SND1: variants seen among roughly 807,000 people sequenced by gnomAD.
SND1 encodes the protein staphylococcal nuclease domain-containing protein 1.
SND1 carries 38 observed loss-of-function variants against 121.7 expected under a neutral mutation model. That is an observed-to-expected ratio of 0.31 (90% CI 0.24 to 0.41). The LOEUF is 0.41. Ranked by LOEUF, SND1 falls within the 10% of genes least tolerant of loss-of-function variation. The probability of loss-of-function intolerance (pLI) is 1.00; values close to 1 mark genes in which losing one functional copy is unlikely to be tolerated. For missense variants in SND1, 868 were observed against 1,184.6 expected (o/e 0.73, Z 3.92); for synonymous variants, 401 against 447.4 (o/e 0.90, Z 1.31).
Position 127,721,362 on chromosome 7 carries a change from A to G in SND1, c.1114A>G (p.Ser372Gly). 1 of 1,613,264 alleles carries G rather than the reference A, an allele frequency of 6.2e-7. No homozygotes were observed. The highest frequency in any genetic ancestry group is 8.5e-7 in the Non-Finnish European group (1 of 1,179,764). The change falls in exon 10 of 24, where the codon AGC becomes GGC. Residue 372 changes from serine to glycine, a missense_variant. By Grantham distance (56) the Ser-to-Gly change is moderately conservative. This residue lies in a region of SND1 where 743 missense variants were observed against 1,071.3 expected (regional missense o/e 0.69). Transcript: ENST00000354725. Reference protein sequence around the residue: ...SGDYKTIHLSSIRPPRLEGEN... With the variant: ...SGDYKTIHLSGIRPPRLEGEN... ...CGATTACAAGACGATTCACCTGTCC[A>G]GCATCCGACCACCGAGGCTGGAGGG...
intron 15 of SND1, among the ~76,000 whole-genome samples, chr7:127,950,173 C>T (rs1337673410): frequency 1.3e-5 from 2 of 152,180 alleles, no homozygotes; most frequent in African/African-American, 4.8e-5. Flanking sequence ...CAGTGATTTG[C>T]AGACCCCTCT....
intron 17 of SND1, among the ~76,000 whole-genome samples, chr7:128,076,128 G>A (rs1053449088): frequency 6.6e-6 from 1 of 152,168 alleles, no homozygotes; most frequent in African/African-American, 2.4e-5. Flanking sequence ...TCAGAGCTGG[G>A]CGATCCTCTA....
chr7:127,739,603 G>T (rs1260559200), intron 10 of SND1, among the ~76,000 whole-genome samples: 3 of 152,184 alleles, frequency 2.0e-5, no homozygotes, highest in Non-Finnish European at 2.9e-5. Flanking sequence ...ATGCCCACCA[G>T]GGGAGAGTGT....
chr7:128,078,066 A>G (rs533974986), intron 17 of SND1, among the ~76,000 whole-genome samples: 1 of 152,214 alleles, frequency 6.6e-6, no homozygotes. Context: ...TGGGTCTGGC[A>G]GGTGTCTTGC....
intron 16 of SND1, among the ~76,000 whole-genome samples, chr7:128,021,115 G>T (rs1033105308): frequency 6.6e-6 from 1 of 152,140 alleles, no homozygotes; most frequent in African/African-American, 2.4e-5. Context: ...TGAATTGGAA[G>T]AATATGCAGT....
intron 10 of SND1, among the ~76,000 whole-genome samples, chr7:127,790,675 T>C (rs1335274126): frequency 6.6e-6 from 1 of 152,222 alleles, no homozygotes; most frequent in Non-Finnish European, 1.5e-5. Context: ...TAATTTCAGG[T>C]AGCTTGTAAT....
chr7:127,810,850 T>C (rs1798324068), intron 11 of SND1, among the ~76,000 whole-genome samples: 1 of 152,234 alleles, frequency 6.6e-6, no homozygotes, highest in Non-Finnish European at 1.5e-5. Context: ...TTTCTATAGC[T>C]CTTGTCCCTT....
rs973969279 is a variant in SND1, at chr7:127,755,874, A to C, written c.1152+34474A>C. 2.6e-5 allele frequency among the ~76,000 whole-genome samples: 4 copies of C among 152,376 alleles called. No homozygotes were observed. In the East Asian group the frequency reaches 5.8e-4, roughly 22 times the overall value. ...GCTAATGGGATTGCAGTGCTATATG[A>C]ATGTAGGAGTATTATACGCAAATAC... On this transcript the variant is annotated intron_variant, in intron 10 of 23. Transcript: ENST00000354725.
At chr7:127,779,455 A>C (rs567550016) in intron 10 of SND1, among the ~76,000 whole-genome samples, 1 of 152,158 alleles carries the variant, frequency 6.6e-6, no homozygotes, top group South Asian at 2.1e-4. Flanking sequence ...CTTATTCTCA[A>C]CTTTTAAAAA....
At chr7:127,740,844 G>C (rs1279872716) in intron 10 of SND1, among the ~76,000 whole-genome samples, 1 of 152,184 alleles carries the variant, frequency 6.6e-6, no homozygotes, top group African/African-American at 2.4e-5. Context: ...TCTTAAGCTT[G>C]AAAGTGATGA....
At chr7:127,743,457 C>A (rs988980918) in intron 10 of SND1, among the ~76,000 whole-genome samples, 3 of 152,198 alleles carry the variant, frequency 2.0e-5, no homozygotes, top group Admixed American at 2.0e-4. Context: ...GATGCTTTTA[C>A]TTTCTAGCAA....
chr7:128,072,653 C>A (rs1793431952), intron 16 of SND1, among the ~76,000 whole-genome samples: 1 of 152,074 alleles, frequency 6.6e-6, no homozygotes. Context: ...CAGGTCTTGT[C>A]CACCCCTACC....
At chr7:127,950,767 CA>C (rs1416252724) in intron 15 of SND1, among the ~76,000 whole-genome samples, 3 of 152,140 alleles carry the variant, frequency 2.0e-5, no homozygotes, top group African/African-American at 7.2e-5. Flanking sequence ...GATTAAATCT[CA>C]GATGTATATA....
chr7:127,784,573 T>C (rs1405747311), intron 10 of SND1, among the ~76,000 whole-genome samples: 1 of 152,228 alleles, frequency 6.6e-6, no homozygotes, highest in African/African-American at 2.4e-5. Flanking sequence ...TCCTTCAACC[T>C]GGAGTAATTT....
At chr7:128,007,074 G>A (rs541064705) in intron 16 of SND1, among the ~76,000 whole-genome samples, 34 of 152,180 alleles carry the variant, frequency 2.2e-4, no homozygotes, top group Non-Finnish European at 4.4e-4. Context: ...TGCAGTATGC[G>A]GATGCCAGGC....
chr7:127,880,879 G>T (rs1192920341), intron 12 of SND1, among the ~76,000 whole-genome samples: 2 of 152,200 alleles, frequency 1.3e-5, no homozygotes, highest in African/African-American at 4.8e-5. Context: ...CTCCCACAGC[G>T]CAGGGAGGGA....
At chr7:127,693,148 A>C (rs1471534866) in intron 2 of SND1, among the ~76,000 whole-genome samples, 1 of 152,214 alleles carries the variant, frequency 6.6e-6, no homozygotes, top group African/African-American at 2.4e-5. Flanking sequence ...TCCCTAAGGT[A>C]ATAAAAATTT....
At chr7:127,990,616 T>C (rs527856539) in intron 15 of SND1, among the ~76,000 whole-genome samples, 51 of 152,306 alleles carry the variant, frequency 3.3e-4, no homozygotes, top group African/African-American at 1.2e-3. Context: ...TGCGAGACTA[T>C]GGGACCGTCA....
At chr7:127,760,000 C>G (rs1023331884) in intron 10 of SND1, among the ~76,000 whole-genome samples, 1 of 152,178 alleles carries the variant, frequency 6.6e-6, no homozygotes, top group African/African-American at 2.4e-5. Context: ...GCAACCTGCT[C>G]GACATACTTG....
Sources: gnomAD v4.1 joint callset for allele counts (sites outside exome capture counted in the v4.1 genomes callset) on GRCh38, gnomAD v4.1.1 for gene constraint, gnomAD v4.1.1 regional missense constraint, MANE v1.5 for transcripts, NCBI Gene and HGNC (gene_info 2026-07-23, HGNC 2026-07-21) for gene names.